EPHA5: variants seen among roughly 807,000 people sequenced by gnomAD.
EPHA5 encodes ephrin type-A receptor 5.
EPHA5 carries 60 observed loss-of-function variants against 105.0 expected under a neutral mutation model. The observed-to-expected ratio is 0.57, with a 90% CI of 0.46 to 0.71. The LOEUF (loss-of-function observed/expected upper bound fraction) is 0.71, where lower values mean the gene tolerates loss of function less well. EPHA5 is among the 30% of genes least tolerant of loss of function. The pLI, the probability that EPHA5 is intolerant of heterozygous loss-of-function variation, is 0.00. For synonymous variants in EPHA5, 513 were observed against 449.1 expected (o/e 1.14, Z -1.80); for missense variants, 1,218 against 1,274.7 (o/e 0.96, Z 0.68).
chr4:65,536,219 G>T (rs1002822376), intron 3 of EPHA5, among the ~76,000 whole-genome samples: 1 of 151,954 alleles, frequency 6.6e-6, no homozygotes, highest in South Asian at 2.1e-4. Flanking sequence ...GCAGACAATT[G>T]CTCCATCCTA....
intron 3 of EPHA5, among the ~76,000 whole-genome samples, chr4:65,526,715 A>G (rs1578338343): frequency 6.6e-6 from 1 of 152,016 alleles, no homozygotes; most frequent in Non-Finnish European, 1.5e-5. Context: ...ATGTCATGAG[A>G]GCCAAACTTT....
intron 3 of EPHA5, among the ~76,000 whole-genome samples, chr4:65,496,246 T>C (rs566159920): frequency 1.2e-4 from 18 of 152,196 alleles, no homozygotes; most frequent in South Asian, 6.2e-4. Flanking sequence ...TTTTTTATTA[T>C]ACTTTAAGTT....
At chr4:65,651,779 C>A (rs1050471464) in intron 1 of EPHA5, among the ~76,000 whole-genome samples, 2 of 152,052 alleles carry the variant, frequency 1.3e-5, no homozygotes, top group Non-Finnish European at 2.9e-5. Context: ...AAAAATCAAT[C>A]CGAAATGTAT....
At chr4:65,348,323 G>T in intron 13 of EPHA5, 120 bp from the exon 14 acceptor site, 1 of 900,150 alleles carries the variant, frequency 1.1e-6, no homozygotes, top group Non-Finnish European at 1.7e-6. Flanking sequence ...CTGTTTGACA[G>T]CGCGCAGTGT....
chr4:65,420,776 A>G (rs1468173839), intron 5 of EPHA5, among the ~76,000 whole-genome samples: 3 of 152,116 alleles, frequency 2.0e-5, no homozygotes, highest in Non-Finnish European at 4.4e-5. Flanking sequence ...TTCATAATAA[A>G]ACTATTTGTA....
At chr4:65,534,522 G>A (rs1736112587) in intron 3 of EPHA5, among the ~76,000 whole-genome samples, 2 of 152,066 alleles carry the variant, frequency 1.3e-5, no homozygotes, top group Admixed American at 1.3e-4. Context: ...AAGAAAAAAT[G>A]AAAAACCTCT....
At chr4:65,379,222 TA>T (rs1236664141) in intron 8 of EPHA5, among the ~76,000 whole-genome samples, 3 of 151,734 alleles carry the variant, frequency 2.0e-5, no homozygotes, top group African/African-American at 7.3e-5. Flanking sequence ...TAACATTTTA[TA>T]AAGTTATCTT....
chr4:65,531,510 C>G (rs973556485), intron 3 of EPHA5, among the ~76,000 whole-genome samples: 2 of 146,046 alleles, frequency 1.4e-5, no homozygotes, highest in Non-Finnish European at 3.1e-5. Context: ...AGAGGATATA[C>G]TGAGATGTCT....
rs756357402 is a variant in EPHA5 at position 65,490,416 on chromosome 4, G to A, written c.1363C>T (p.Arg455Trp). ...GTTACATTTACAGACACATACTGCC[G>A]GGCTCCTGGGCTCAAGTCGGACACT... The part of the protein sequence containing the change: ...NGVSDLSPGA[R>W]QYVSVNVTTN... Residue 455 changes from arginine to tryptophan, a missense_variant, in exon 5 of 17, where the codon CGG (arginine) becomes TGG (tryptophan). Physicochemically the swap from Arg to Trp is moderately radical, Grantham distance 101. Transcript: ENST00000613740. 6 of 1,613,868 alleles carry A rather than the reference G, an allele frequency of 3.7e-6. No individual in the cohort carries two copies. The highest frequency in any genetic ancestry group is 1.3e-5 in the African/African-American group (1 of 74,844).
At chr4:65,521,543 A>G (rs572255137) in intron 3 of EPHA5, among the ~76,000 whole-genome samples, 46 of 151,912 alleles carry the variant, frequency 3.0e-4, no homozygotes, top group Non-Finnish European at 6.2e-4. Flanking sequence ...CAAAGGTTAA[A>G]ATCTGTTATG....
intron 5 of EPHA5, among the ~76,000 whole-genome samples, chr4:65,460,369 A>G (rs1257874284): frequency 1.3e-5 from 2 of 151,386 alleles, no homozygotes; most frequent in Admixed American, 6.6e-5. Context: ...ACCTTCAACT[A>G]TACTATTAAA....
At chr4:65,507,841 A>G (rs1733212859) in intron 3 of EPHA5, among the ~76,000 whole-genome samples, 1 of 152,070 alleles carries the variant, frequency 6.6e-6, no homozygotes, top group Admixed American at 6.6e-5. Flanking sequence ...ATGGTATCTC[A>G]CTTGAAACCA....
At chr4:65,512,748 G>A (rs1299343585) in intron 3 of EPHA5, among the ~76,000 whole-genome samples, 1 of 152,020 alleles carries the variant, frequency 6.6e-6, no homozygotes, top group Non-Finnish European at 1.5e-5. Context: ...TGTTATAGAA[G>A]TGCCAGACAG....
intron 3 of EPHA5, among the ~76,000 whole-genome samples, chr4:65,589,320 G>A (rs12641575): frequency 0.49 from 73,935 of 151,610 alleles, 19,766 homozygotes; most frequent in Middle Eastern, 0.65. Context: ...CCTGAATAAA[G>A]ACTGAAGCCC....
At chr4:65,531,137 A>T (rs977132584) in intron 3 of EPHA5, among the ~76,000 whole-genome samples, 1 of 150,704 alleles carries the variant, frequency 6.6e-6, no homozygotes, top group African/African-American at 2.4e-5. Context: ...TCCCGGGTTC[A>T]CGCCATTCTC....
chr4:65,667,230 A>G (rs1325317930), intron 1 of EPHA5, among the ~76,000 whole-genome samples: 1 of 152,190 alleles, frequency 6.6e-6, no homozygotes, highest in Non-Finnish European at 1.5e-5. Context: ...CTGCTGCTCA[A>G]TTTATAGCAA....
chr4:65,459,124 G>T (rs536812638), intron 5 of EPHA5, among the ~76,000 whole-genome samples: 1 of 152,032 alleles, frequency 6.6e-6, no homozygotes, highest in East Asian at 1.9e-4. Flanking sequence ...GTTTAAACTG[G>T]GGCCAATTTG....
intron 5 of EPHA5, among the ~76,000 whole-genome samples, chr4:65,454,841 C>G (rs1280264340): frequency 1.3e-5 from 2 of 152,158 alleles, no homozygotes; most frequent in Admixed American, 1.3e-4. Flanking sequence ...TTATGAATAG[C>G]CTTTTGGGAA....
intron 16 of EPHA5, among the ~76,000 whole-genome samples, chr4:65,324,530 T>A (rs1216668919): frequency 6.7e-6 from 1 of 150,162 alleles, no homozygotes; most frequent in Non-Finnish European, 1.5e-5. Flanking sequence ...AGTTAACAGG[T>A]ACAATTTCAT....
Sources: gnomAD v4.1 joint callset for allele counts (sites outside exome capture counted in the v4.1 genomes callset) on GRCh38, gnomAD v4.1.1 for gene constraint, MANE v1.5 for transcripts, NCBI Gene and HGNC (gene_info 2026-07-23, HGNC 2026-07-21) for gene names.